SRGAP3: variants seen among roughly 807,000 people sequenced by gnomAD.
SRGAP3 encodes SLIT-ROBO Rho GTPase-activating protein 3.
SRGAP3 carries 39 observed loss-of-function variants against 121.1 expected under a neutral mutation model. That is an observed-to-expected ratio of 0.32 (90% CI 0.25 to 0.42). The LOEUF (loss-of-function observed/expected upper bound fraction) is 0.42. SRGAP3 is among the 10% of genes least tolerant of loss of function. SRGAP3 has a pLI of 1.00. For synonymous variants in SRGAP3, 601 were observed against 570.0 expected, an observed-to-expected ratio of 1.05 and a Z score of -0.77; for missense variants, 1,213 against 1,470.6, an observed-to-expected ratio of 0.82 and a Z score of 2.86.
intron 3 of SRGAP3, among the ~76,000 whole-genome samples, chr3:9,096,959 ATAT>A (rs1250447187): frequency 2.0e-5 from 2 of 97,616 alleles, no homozygotes; most frequent in Non-Finnish European, 3.9e-5. Context: ...ATATATATAT[ATAT>A]ATATATATAT....
At chr3:9,075,234 TGATG>T (rs5846622) in intron 4 of SRGAP3, among the ~76,000 whole-genome samples, 2,944 of 152,308 alleles carry the variant, frequency 0.019, 99 homozygotes, top group East Asian at 0.13. Context: ...TGTGTTGGGC[TGATG>T]GGAGTTCGAG....
chr3:9,279,108 GA>G (rs372059347), intron 3 of SRGAP3, among the ~76,000 whole-genome samples: 132 of 148,794 alleles, frequency 8.9e-4, no homozygotes, highest in African/African-American at 2.8e-3. Flanking sequence ...GGGCAACAGG[GA>G]AAAAAAAAGG....
At chr3:9,260,171 C>T (rs1435419377) in intron 3 of SRGAP3, among the ~76,000 whole-genome samples, 1 of 152,160 alleles carries the variant, frequency 6.6e-6, no homozygotes, top group Non-Finnish European at 1.5e-5. Flanking sequence ...AGGAGATTCC[C>T]TCGGGTGCCT....
At chr3:9,113,050 G>A (rs1948686126) in intron 2 of SRGAP3, among the ~76,000 whole-genome samples, 1 of 152,248 alleles carries the variant, frequency 6.6e-6, no homozygotes, top group Non-Finnish European at 1.5e-5. Context: ...GACAGAAAGT[G>A]AGTGTGGCCA....
At chr3:9,172,868 C>T (rs570195425) in intron 1 of SRGAP3, among the ~76,000 whole-genome samples, 5 of 152,178 alleles carry the variant, frequency 3.3e-5, no homozygotes, top group Admixed American at 6.5e-5. Flanking sequence ...GGCCCTGGTG[C>T]GGGGCCATTG....
At chr3:8,997,878 G>GTTTTT (rs35922221) in intron 18 of SRGAP3, among the ~76,000 whole-genome samples, 1,857 of 148,762 alleles carry the variant, frequency 0.012, 45 homozygotes, top group African/African-American at 0.044. Flanking sequence ...ATTCATAGAG[G>GTTTTT]TTTTTTTTTT....
At chr3:9,304,704 A>G (rs1008465363) in intron 3 of SRGAP3, among the ~76,000 whole-genome samples, 1 of 152,096 alleles carries the variant, frequency 6.6e-6, no homozygotes, top group African/African-American at 2.4e-5. Context: ...CCCCAAAACC[A>G]GGAGTTTCTT....
At chr3:9,251,975 G>A (rs1954028413), upstream of SRGAP3, among the ~76,000 whole-genome samples, 1 of 152,200 alleles carries the variant, frequency 6.6e-6, no homozygotes, top group Non-Finnish European at 1.5e-5. Context: ...CTGGCATAGA[G>A]CAGAAGTCTC....
At chr3:9,163,466 G>C (rs1230254397) in intron 1 of SRGAP3, among the ~76,000 whole-genome samples, 1 of 152,198 alleles carries the variant, frequency 6.6e-6, no homozygotes, top group African/African-American at 2.4e-5. Context: ...AAGGCGTTTT[G>C]AATGTGGCTG....
chr3:9,185,513 G>A (rs890503241), intron 1 of SRGAP3, among the ~76,000 whole-genome samples: 2 of 151,822 alleles, frequency 1.3e-5, no homozygotes, highest in African/African-American at 2.4e-5. Context: ...TTGAGAAGTC[G>A]TTTTTTTCTT....
At chr3:9,079,961 C>G in intron 4 of SRGAP3, 64 bp downstream of exon 4, 1 of 1,588,800 alleles carries the variant, frequency 6.3e-7, no homozygotes, top group Non-Finnish European at 8.6e-7. Context: ...TTGCTTCCCT[C>G]CAGCTCTGGT....
intron 18 of SRGAP3, among the ~76,000 whole-genome samples, chr3:8,996,559 G>T (rs1407112205): frequency 6.6e-6 from 1 of 152,246 alleles, no homozygotes; most frequent in African/African-American, 2.4e-5. Flanking sequence ...TGGGAGAGAA[G>T]GAAGGAGGGA....
intron 19 of SRGAP3, 51 bp from the exon 20 acceptor site, chr3:8,993,106 G>C: frequency 6.2e-7 from 1 of 1,610,376 alleles, no homozygotes; most frequent in Non-Finnish European, 8.5e-7. Flanking sequence ...AAAGAACCCA[G>C]CATATACAGA....
chr3:9,241,015 C>T (rs564789212), intron 1 of SRGAP3, among the ~76,000 whole-genome samples: 1 of 152,100 alleles, frequency 6.6e-6, no homozygotes, highest in African/African-American at 2.4e-5. Flanking sequence ...TGAAGGAACC[C>T]CTTGTTGCCT....
chr3:9,352,234 TA>T (rs2030212440), intron 1 of SRGAP3, among the ~76,000 whole-genome samples: 1 of 151,620 alleles, frequency 6.6e-6, no homozygotes, highest in East Asian at 1.9e-4. Flanking sequence ...TTACAGAAAA[TA>T]AAACTCTCCC....
At position 9,060,069 on chromosome 3, in the gene SRGAP3, C is replaced by T; in HGVS notation, c.801+162G>A. 19 of 1,132,110 alleles carry T rather than the reference C, an allele frequency of 1.7e-5. No individual in the cohort carries two copies. The South Asian group carries it at 2.4e-4, about 14-fold the overall frequency. The allele number at this position is 1,132,110 out of a possible 1,614,324, so 70.1% of individuals were successfully genotyped here. A position where few individuals can be genotyped will look rare whatever the true frequency, so the allele number is the denominator to read the frequency against. On this transcript the variant is annotated intron_variant, in intron 6 of 21. Coordinates refer to ENST00000383836, the MANE Select transcript of SRGAP3 (RefSeq NM_014850.4). ...ACACCACGAGGTAACATTCATTTTC[C>T]ACCTCCCCAAATCACTGCCCTTCCC...
upstream of SRGAP3, among the ~76,000 whole-genome samples, chr3:9,250,460 G>C (rs1306938983): frequency 6.6e-6 from 1 of 152,134 alleles, no homozygotes; most frequent in Non-Finnish European, 1.5e-5. Context: ...TACGAGGCAA[G>C]AGGCCCTGGG....
At chr3:9,149,966 T>C (rs904614373) in intron 1 of SRGAP3, among the ~76,000 whole-genome samples, 4 of 152,026 alleles carry the variant, frequency 2.6e-5, no homozygotes, top group African/African-American at 9.7e-5. Context: ...ACGTGTCCAA[T>C]ACCGTGCAGG....
intron 3 of SRGAP3, among the ~76,000 whole-genome samples, chr3:9,263,705 A>C (rs1036393909): frequency 4.6e-5 from 7 of 152,144 alleles, no homozygotes; most frequent in Non-Finnish European, 2.9e-5. Context: ...ACCAATAACA[A>C]GTTCTGAAAT....
Sources: gnomAD v4.1 joint callset for allele counts (sites outside exome capture counted in the v4.1 genomes callset) on GRCh38, gnomAD v4.1.1 for gene constraint, MANE v1.5 for transcripts, NCBI Gene and HGNC (gene_info 2026-07-23, HGNC 2026-07-21) for gene names.